THSD7B: variants seen among roughly 807,000 people sequenced by gnomAD.
The protein encoded by THSD7B is thrombospondin type-1 domain-containing protein 7B.
A neutral mutation model predicts 213.6 loss-of-function variants in THSD7B; 138 were observed. The ratio of observed to expected loss-of-function variants is 0.65; its 90% confidence interval spans 0.56 to 0.74. The LOEUF (loss-of-function observed/expected upper bound fraction) is 0.74. Among genes scored for constraint, THSD7B ranks in the 30% least tolerant of loss-of-function variants. The probability of loss-of-function intolerance (pLI) is 0.00; values close to 1 mark genes in which losing one functional copy is unlikely to be tolerated. For missense variants in THSD7B, 1,931 were observed against 1,991.5 expected (o/e 0.97, Z 0.58); for synonymous variants, 742 against 687.0 (o/e 1.08, Z -1.25).
chr2:137,238,165 G>A (rs1681810320), intron 9 of THSD7B, among the ~76,000 whole-genome samples: 1 of 152,154 alleles, frequency 6.6e-6, no homozygotes. Context: ...CTAATTGAAG[G>A]GGATAAAGTT....
At chr2:137,142,006 A>G (rs1679597762) in intron 5 of THSD7B, among the ~76,000 whole-genome samples, 1 of 152,194 alleles carries the variant, frequency 6.6e-6, no homozygotes, top group African/African-American at 2.4e-5. Context: ...ATGACACTCG[A>G]TACTTTGATA....
rs1226014275 is a variant in THSD7B, at chr2:137,063,583, A to G, written c.950+6353A>G. Among the ~76,000 whole-genome samples the G allele has an allele frequency of 2.6e-5, 4 of 151,986 alleles. No individual in the cohort carries two copies. The East Asian group carries it at 7.7e-4, about 29-fold the overall frequency. On this transcript the variant is annotated intron_variant, in intron 3 of 27. Coordinates refer to ENST00000409968, the MANE Select transcript of THSD7B (RefSeq NM_001316349.2). ...ATGCACAATTAAATTATTTTTTACTATATCACTCTGTTTTGCTAGCAAATA... is the reference window on the plus strand; with the variant it reads ...ATGCACAATTAAATTATTTTTTACTGTATCACTCTGTTTTGCTAGCAAATA...
At chr2:137,598,994 T>C (rs1436130979) in intron 17 of THSD7B, among the ~76,000 whole-genome samples, 3 of 150,166 alleles carry the variant, frequency 2.0e-5, no homozygotes, top group African/African-American at 7.4e-5. Context: ...TAACTCGTCA[T>C]CTAGCCTTAG....
chr2:137,363,022 T>A (rs887868000), intron 12 of THSD7B, among the ~76,000 whole-genome samples: 1 of 152,100 alleles, frequency 6.6e-6, no homozygotes, highest in African/African-American at 2.4e-5. Flanking sequence ...AGAACAGAAA[T>A]CACAACAAAC....
chr2:137,073,159 G>T (rs1687536344), intron 3 of THSD7B, among the ~76,000 whole-genome samples: 1 of 152,116 alleles, frequency 6.6e-6, no homozygotes, highest in South Asian at 2.1e-4. Context: ...CTATTGATTG[G>T]AATAGTTTCA....
At chr2:137,453,087 G>A (rs1282490623) in intron 15 of THSD7B, among the ~76,000 whole-genome samples, 1 of 151,836 alleles carries the variant, frequency 6.6e-6, no homozygotes, top group Non-Finnish European at 1.5e-5. Context: ...ATTTAGTTTG[G>A]CTTTTAGTTT....
chr2:136,988,414 A>G (rs981085560), intron 2 of THSD7B, among the ~76,000 whole-genome samples: 1 of 152,228 alleles, frequency 6.6e-6, no homozygotes, highest in African/African-American at 2.4e-5. Context: ...TTTCCTTCCA[A>G]ATCTGCCAGA....
At chr2:136,983,376 C>CACACACACACACACACACACACACAT (rs1685619720) in intron 2 of THSD7B, among the ~76,000 whole-genome samples, 1 of 150,390 alleles carries the variant, frequency 6.6e-6, no homozygotes, top group Non-Finnish European at 1.5e-5. Flanking sequence ...CACACGCACA[C>CACACACACACACACACACACACACAT]ACACTCACTC....
rs749186122 is a variant in THSD7B at position 136,843,277 on chromosome 2, T to A, written c.-35-38867T>A. 2.6e-5 allele frequency among the ~76,000 whole-genome samples: 4 copies of A among 152,192 alleles called. No individual in the cohort carries two copies. The South Asian group carries it at 8.3e-4, about 32-fold the overall frequency. On this transcript the variant is annotated intron_variant, in intron 1 of 27. Coordinates refer to ENST00000409968, the MANE Select transcript of THSD7B (RefSeq NM_001316349.2). ...TATTGGGAGAAAAGTTAGAATTTTA[T>A]TAAGTCTGTTCAAACATTACATTTC...
intron 15 of THSD7B, among the ~76,000 whole-genome samples, chr2:137,463,938 C>G (rs1687935813): frequency 6.6e-6 from 1 of 152,078 alleles, no homozygotes; most frequent in African/African-American, 2.4e-5. Flanking sequence ...GGCTTAAAGT[C>G]TGCAATAGCT....
chr2:137,275,779 A>T (rs111639929), intron 11 of THSD7B, 144 bp from the exon 12 acceptor site: 11,765 of 583,794 alleles, frequency 0.02, 181 homozygotes, highest in Middle Eastern at 0.044. Context: ...GTGCTTGCCA[A>T]GGCTTGGTTT....
At chr2:137,298,322 C>A (rs1000720481) in intron 12 of THSD7B, among the ~76,000 whole-genome samples, 1 of 152,116 alleles carries the variant, frequency 6.6e-6, no homozygotes, top group African/African-American at 2.4e-5. Flanking sequence ...AGTAGCAAAG[C>A]ATTCAAGAGG....
chr2:137,335,673 T>C (rs975463418), intron 12 of THSD7B, among the ~76,000 whole-genome samples: 1 of 152,078 alleles, frequency 6.6e-6, no homozygotes, highest in Admixed American at 6.6e-5. Flanking sequence ...GGTAGTAAGG[T>C]GATTTTGAGT....
At chr2:136,814,837 A>G (rs1682445147) in intron 1 of THSD7B, among the ~76,000 whole-genome samples, 1 of 152,208 alleles carries the variant, frequency 6.6e-6, no homozygotes, top group Non-Finnish European at 1.5e-5. Flanking sequence ...AACTATGGTC[A>G]GTTTGGCTCA....
chr2:137,412,234 G>A (rs754827491), intron 14 of THSD7B, among the ~76,000 whole-genome samples: 8 of 151,556 alleles, frequency 5.3e-5, no homozygotes, highest in Admixed American at 5.3e-4. Context: ...TACATAGAAG[G>A]CATCAGAACT....
At chr2:137,425,019 C>T (rs1340533776) in intron 14 of THSD7B, among the ~76,000 whole-genome samples, 3 of 150,690 alleles carry the variant, frequency 2.0e-5, no homozygotes, top group African/African-American at 4.9e-5. Context: ...TTACAGTGAG[C>T]GGAGATCGCG....
At chr2:137,324,287 G>C (rs1308225157) in intron 12 of THSD7B, among the ~76,000 whole-genome samples, 1 of 152,066 alleles carries the variant, frequency 6.6e-6, no homozygotes, top group Non-Finnish European at 1.5e-5. Context: ...TACTTAAGAA[G>C]TGTTTCTTTA....
intron 12 of THSD7B, among the ~76,000 whole-genome samples, chr2:137,293,399 G>C (rs1017630459): frequency 3.3e-5 from 5 of 152,094 alleles, no homozygotes; most frequent in African/African-American, 9.6e-5. Flanking sequence ...TGGCCTCCCC[G>C]AAGTGCTGAG....
chr2:137,631,595 A>G (rs371762249), intron 20 of THSD7B, among the ~76,000 whole-genome samples: 18 of 152,268 alleles, frequency 1.2e-4, no homozygotes, highest in African/African-American at 4.1e-4. Flanking sequence ...TGTTTTTTCT[A>G]GGTTTCAAGG....
Sources: gnomAD v4.1 joint callset for allele counts (sites outside exome capture counted in the v4.1 genomes callset) on GRCh38, gnomAD v4.1.1 for gene constraint, MANE v1.5 for transcripts, NCBI Gene and HGNC (gene_info 2026-07-23, HGNC 2026-07-21) for gene names.